ANXA7: variants seen among roughly 807,000 people sequenced by gnomAD.
ANXA7 encodes the protein annexin A7, also known as annexin VII.
Under a neutral mutation model 64.9 loss-of-function variants are expected in ANXA7, and 55 were observed. That is an observed-to-expected ratio of 0.85 (90% CI 0.68 to 1.06). The LOEUF (loss-of-function observed/expected upper bound fraction) is 1.06. Ranked by LOEUF, ANXA7 falls within the 50% of genes least tolerant of loss-of-function variation. The pLI is 0.00. For synonymous variants in ANXA7, 200 were observed against 192.4 expected (o/e 1.04, Z -0.33); for missense variants, 548 against 582.1 (o/e 0.94, Z 0.60).
intron 4 of ANXA7, among the ~76,000 whole-genome samples, chr10:73,396,910 AG>A (rs1459397778): frequency 3.3e-5 from 5 of 151,404 alleles, no homozygotes; most frequent in African/African-American, 1.2e-4. Context: ...GAGTGGGCAG[AG>A]AAGTTCCTGA....
At chr10:73,390,388 C>T (rs1271721511) in intron 5 of ANXA7, among the ~76,000 whole-genome samples, 2 of 152,106 alleles carry the variant, frequency 1.3e-5, no homozygotes, top group Non-Finnish European at 2.9e-5. Flanking sequence ...TTTTCTTCTA[C>T]CAGTAAGCCT....
intron 1 of ANXA7, among the ~76,000 whole-genome samples, chr10:73,402,674 T>G (rs2055685735): frequency 6.6e-6 from 1 of 152,234 alleles, no homozygotes; most frequent in African/African-American, 2.4e-5. Flanking sequence ...AAACAAGATA[T>G]GTTCAGAAAC....
At chr10:73,408,473 T>C (rs1267818385) in intron 1 of ANXA7, 2 of 152,112 alleles carry the variant, frequency 1.3e-5, no homozygotes, top group African/African-American at 4.8e-5. Context: ...ACCAAAGACA[T>C]CATAAGCAAT....
At chr10:73,380,646 A>G (rs549384090) in intron 9 of ANXA7, among the ~76,000 whole-genome samples, 1 of 152,352 alleles carries the variant, frequency 6.6e-6, no homozygotes, top group Admixed American at 6.5e-5. Context: ...GCATGGAAAT[A>G]TAACTAGTAA....
chr10:73,387,997 A>G (rs1463713388), intron 6 of ANXA7, among the ~76,000 whole-genome samples: 1 of 152,016 alleles, frequency 6.6e-6, no homozygotes, highest in Non-Finnish European at 1.5e-5. Context: ...GATTACAGGC[A>G]TGCATCACCA....
intron 5 of ANXA7, chr10:73,395,866 A>G (rs935974407): frequency 1.1e-5 from 8 of 698,252 alleles, no homozygotes; most frequent in Admixed American, 4.0e-5. Context: ...GAGAAAATCC[A>G]GTCAACAGAC....
rs567423885 is a variant in ANXA7 at position 73,399,979 on chromosome 10, T to G, written c.54+824A>C. Among the ~76,000 whole-genome samples the G allele has an allele frequency of 4.0e-5, 6 of 151,564 alleles. No individual in the cohort carries two copies. In the South Asian group the frequency reaches 1.0e-3, roughly 26 times the overall value. On this transcript the variant is annotated intron_variant, in intron 2 of 12. Transcript: ENST00000372921. The stretch of plus-strand genomic sequence containing the variant: ...CAACATGGTGAAATTCCGTCTCTAC[T>G]AAAAATACAAAAAATCAGCCAGGCA...
At chr10:73,401,240 T>C (rs2055658884) in intron 1 of ANXA7, among the ~76,000 whole-genome samples, 1 of 143,424 alleles carries the variant, frequency 7.0e-6, no homozygotes, top group African/African-American at 2.9e-5. Flanking sequence ...TTTGAAAACA[T>C]ACAGATATAC....
At chr10:73,410,861 A>G (rs933415074) in intron 1 of ANXA7, among the ~76,000 whole-genome samples, 1 of 152,006 alleles carries the variant, frequency 6.6e-6, no homozygotes, top group African/African-American at 2.4e-5. Flanking sequence ...TTACACTACT[A>G]TACAGCCTCT....
Position 73,392,975 on chromosome 10 carries a change from C to T in ANXA7, c.435+3544G>A, listed in dbSNP as rs1331312612. Reference sequence around the variant, plus strand: ...ACCCCATTGTCTCAGCCCAAAATCTCCTTAAGCTGATAAGCAACTTCAGCA... The same window carrying T: ...ACCCCATTGTCTCAGCCCAAAATCTTCTTAAGCTGATAAGCAACTTCAGCA... On this transcript the variant is annotated intron_variant, in intron 5 of 12. Transcript: ENST00000372921. Among the ~76,000 whole-genome samples, 9 of 152,174 alleles carry T rather than the reference C, an allele frequency of 5.9e-5. No individual in the cohort carries two copies. The South Asian group carries it at 1.4e-3, about 24-fold the overall frequency.
chr10:73,381,273 C>A (rs1169204351), intron 9 of ANXA7, among the ~76,000 whole-genome samples: 1 of 152,108 alleles, frequency 6.6e-6, no homozygotes, highest in Non-Finnish European at 1.5e-5. Context: ...ATAAGCTTTA[C>A]AGAAGCAGCT....
intron 4 of ANXA7, 126 bp from the exon 5 acceptor site, chr10:73,396,709 G>T (rs570474883): frequency 1.3e-5 from 7 of 559,956 alleles, no homozygotes; most frequent in African/African-American, 9.6e-5. Flanking sequence ...TACTTATGAG[G>T]ATAGTTTTTA....
At chr10:73,384,395 T>C (rs1200409034) in intron 7 of ANXA7, among the ~76,000 whole-genome samples, 1 of 152,106 alleles carries the variant, frequency 6.6e-6, no homozygotes, top group African/African-American at 2.4e-5. Flanking sequence ...CTTGTTCTTA[T>C]TTGTTTTTTG....
At chr10:73,398,138 A>G (rs746466103) in intron 3 of ANXA7, 43 bp downstream of exon 3, 23 of 1,568,734 alleles carry the variant, frequency 1.5e-5, no homozygotes, top group Non-Finnish European at 2.0e-5. Flanking sequence ...AAAAAGTGCT[A>G]CAGCAATCCC....
intron 1 of ANXA7, among the ~76,000 whole-genome samples, chr10:73,403,012 A>C (rs1346646371): frequency 6.6e-6 from 1 of 152,078 alleles, no homozygotes; most frequent in Admixed American, 6.6e-5. Flanking sequence ...TTTAGTAGAG[A>C]TGGGGTTTCA....
intron 5 of ANXA7, 106 bp from the exon 6 acceptor site, chr10:73,388,520 T>C (rs1186360664): frequency 1.2e-6 from 1 of 865,452 alleles, no homozygotes; most frequent in Non-Finnish European, 1.9e-6. Flanking sequence ...AGGCCAATGT[T>C]TGGGTTTTAA....
intron 12 of ANXA7, among the ~76,000 whole-genome samples, 175 bp downstream of exon 12, chr10:73,378,736 C>T (rs576082779): frequency 6.6e-6 from 1 of 152,276 alleles, no homozygotes; most frequent in East Asian, 1.9e-4. Flanking sequence ...CTAATGCAAG[C>T]TTCTCCCACA....
intron 1 of ANXA7, among the ~76,000 whole-genome samples, chr10:73,406,854 A>G (rs541315613): frequency 1.3e-5 from 2 of 152,212 alleles, no homozygotes; most frequent in South Asian, 2.1e-4. Flanking sequence ...TACAGGCATG[A>G]GCCACCACAC....
At chr10:73,402,653 T>A (rs189897535) in intron 1 of ANXA7, among the ~76,000 whole-genome samples, 109 of 152,312 alleles carry the variant, frequency 7.2e-4, no homozygotes, top group African/African-American at 2.5e-3. Flanking sequence ...GATTCTAAAG[T>A]CAAATCTACA....
Sources: gnomAD v4.1 joint callset for allele counts (sites outside exome capture counted in the v4.1 genomes callset) on GRCh38, gnomAD v4.1.1 for gene constraint, MANE v1.5 for transcripts, NCBI Gene and HGNC (gene_info 2026-07-23, HGNC 2026-07-21) for gene names.